RHOD: variants seen among roughly 807,000 people sequenced by gnomAD.
RHOD encodes the protein ras homolog family member D.
Under a neutral mutation model 16.7 loss-of-function variants are expected in RHOD, and 11 were observed. The observed-to-expected ratio is 0.66, with a 90% CI of 0.41 to 1.09. The LOEUF is 1.09. Among genes scored for constraint, RHOD ranks in the 50% least tolerant of loss-of-function variants. The probability of loss-of-function intolerance (pLI) is 0.00; values close to 1 mark genes in which losing one functional copy is unlikely to be tolerated. For missense variants in RHOD, 271 were observed against 291.7 expected (o/e 0.93, Z 0.52); for synonymous variants, 124 against 126.3 (o/e 0.98, Z 0.12).
rs1855017686 is a variant in RHOD, at chr11:67,070,573, C to A, written c.465+14C>A. The A allele has an allele frequency of 1.2e-6, 2 of 1,613,674 alleles. No homozygotes were observed. Among genetic ancestry groups the A allele is most frequent in the Non-Finnish European group, 1.7e-6 (2 of 1,179,950 alleles). ...ACCTACCACAGGGTAGGAAACCCAG[C>A]CCGAGGTGGGAGTTGGGGAGGACTG... On this transcript the variant is annotated intron_variant, in intron 4 of 4. Transcript: ENST00000308831.
At chr11:67,068,472 C>T (rs1405746454) in intron 3 of RHOD, among the ~76,000 whole-genome samples, 1 of 152,000 alleles carries the variant, frequency 6.6e-6, no homozygotes, top group African/African-American at 2.4e-5. Context: ...GGGAGTGATG[C>T]CCAGGGTCGG....
In RHOD at chr11:67,071,816, C is replaced by G. The variant is rs1047042653; in HGVS notation, c.*214C>G. The stretch of plus-strand genomic sequence containing the variant: ...TGTGTAGGGCTCGTCCTGCGGTGCC[C>G]GAGAATCACTCGCTAACCCCTATGC... On this transcript the variant is annotated 3_prime_UTR_variant, in exon 5 of 5. Transcript: ENST00000308831. 1.4e-5 allele frequency: 7 copies of G among 494,020 alleles called. No individual in the cohort carries two copies. The highest frequency in any genetic ancestry group is 1.4e-4 in the South Asian group (4 of 28,234). The allele number at this position is 494,020 out of a possible 1,614,324, so 30.6% of individuals were successfully genotyped here. A position where few individuals can be genotyped will look rare whatever the true frequency, so the allele number is the denominator to read the frequency against.
intron 4 of RHOD, 111 bp downstream of exon 4, chr11:67,070,670 C>T (rs908025818): frequency 1.7e-5 from 23 of 1,333,894 alleles, no homozygotes; most frequent in African/African-American, 1.3e-4. Context: ...GTCAGAGCTG[C>T]GGTCGTCTTA....
intron 1 of RHOD, 50 bp from the exon 2 acceptor site, chr11:67,065,846 G>C (rs377161633): frequency 7.8e-7 from 1 of 1,284,598 alleles, no homozygotes; most frequent in Middle Eastern, 1.8e-4. Context: ...CAAGTCCCCA[G>C]TGCCTCTCCG....
At chr11:67,065,464 T>G (rs1391008688) in intron 1 of RHOD, among the ~76,000 whole-genome samples, 3 of 151,926 alleles carry the variant, frequency 2.0e-5, no homozygotes, top group Non-Finnish European at 4.4e-5. Flanking sequence ...CACTGCAACC[T>G]CAGTCCCAAG....
chr11:67,071,666 G>A lies in RHOD; in HGVS notation c.*64G>A, dbSNP rs1014908114. On this transcript the variant is annotated 3_prime_UTR_variant, in exon 5 of 5. Transcript: ENST00000308831. ...GCGCTGACCTGCTGCTGAGCTGGCT[G>A]GGCTGGACCCGGTCCCTAGGCTGTG... The A allele has an allele frequency of 7.5e-6, 11 of 1,457,692 alleles. No homozygotes were observed. The African/African-American group carries it at 1.6e-4, about 21-fold the overall frequency. 90.3% of individuals were successfully genotyped at this position (1,457,692 alleles called of 1,614,324 possible).
At chr11:67,067,038 G>A (rs1854967542) in intron 3 of RHOD, among the ~76,000 whole-genome samples, 191 bp downstream of exon 3, 1 of 152,202 alleles carries the variant, frequency 6.6e-6, no homozygotes, top group Non-Finnish European at 1.5e-5. Flanking sequence ...GCTGGCACAG[G>A]GATTTGGTGG....
intron 3 of RHOD, 101 bp from the exon 4 acceptor site, chr11:67,070,324 A>G: frequency 7.8e-7 from 1 of 1,274,344 alleles, no homozygotes; most frequent in Non-Finnish European, 1.1e-6. Context: ...GATTATCCAT[A>G]TCAGAGCTCA....
chr11:67,058,178 T>C (rs540314050), intron 1 of RHOD, among the ~76,000 whole-genome samples: 1 of 152,076 alleles, frequency 6.6e-6, no homozygotes, highest in South Asian at 2.1e-4. Flanking sequence ...AAAATTATTT[T>C]ATTTTATTTT....
At chr11:67,059,559 T>A (rs1275131717) in intron 1 of RHOD, among the ~76,000 whole-genome samples, 1 of 147,286 alleles carries the variant, frequency 6.8e-6, no homozygotes, top group African/African-American at 2.5e-5. Context: ...TATATATAAA[T>A]ATATATATAT....
At chr11:67,067,313 T>C (rs895364095) in intron 3 of RHOD, among the ~76,000 whole-genome samples, 1 of 152,162 alleles carries the variant, frequency 6.6e-6, no homozygotes, top group Admixed American at 6.6e-5. Flanking sequence ...CAGCTGCCTT[T>C]AGCCATGGCA....
At chr11:67,068,174 G>A (rs1035644855) in intron 3 of RHOD, among the ~76,000 whole-genome samples, 1 of 152,224 alleles carries the variant, frequency 6.6e-6, no homozygotes, top group Non-Finnish European at 1.5e-5. Context: ...AGCTGGGTTC[G>A]GGAGTGGGAC....
chr11:67,057,264 G>A (rs1270338229), intron 1 of RHOD, among the ~76,000 whole-genome samples: 1 of 152,256 alleles, frequency 6.6e-6, no homozygotes, highest in African/African-American at 2.4e-5. Flanking sequence ...GTGTCACAAG[G>A]ACTGAGTGAG....
At chr11:67,066,064 T>A in intron 2 of RHOD, 81 bp downstream of exon 2, 1 of 1,182,026 alleles carries the variant, frequency 8.5e-7, no homozygotes, top group African/African-American at 1.5e-5. Context: ...TCTGCTTCCT[T>A]CTGAACCAGG....
intron 1 of RHOD, among the ~76,000 whole-genome samples, chr11:67,060,255 T>G (rs1854869604): frequency 6.6e-6 from 1 of 152,218 alleles, no homozygotes; most frequent in Non-Finnish European, 1.5e-5. Context: ...TCCCCCATCT[T>G]GGTAATGATT....
At chr11:67,066,008 G>A in intron 2 of RHOD, 25 bp downstream of exon 2, 2 of 1,370,558 alleles carry the variant, frequency 1.5e-6, no homozygotes, top group Non-Finnish European at 2.1e-6. Context: ...GTGGGGCAGG[G>A]TGGGAGGGGC....
Position 67,070,425 on chromosome 11 carries a change from T to A in RHOD, c.331T>A (p.Trp111Arg). 1 of 1,612,372 alleles carries A rather than the reference T, an allele frequency of 6.2e-7. No individual in the cohort carries two copies. Among genetic ancestry groups the A allele is most frequent in the Non-Finnish European group, 8.5e-7 (1 of 1,178,924 alleles). ...CACATGCCCCCTCGCCCCCCTGCAG[T>A]GGTACCCAGAAGTGAATCATTTCTG... ...PNSFDNIFNRWYPEVNHFCKK... is the reference protein window; with the variant it reads ...PNSFDNIFNRRYPEVNHFCKK... The change falls in exon 4 of 5, where the codon TGG (tryptophan) becomes AGG (arginine). Residue 111 changes from tryptophan (W) to arginine (R), a missense_variant and splice_region_variant. Trp to Arg is a moderately radical substitution (Grantham distance 101). Transcript: ENST00000308831.
At chr11:67,068,534 G>T (rs565856998) in intron 3 of RHOD, among the ~76,000 whole-genome samples, 3 of 152,134 alleles carry the variant, frequency 2.0e-5, no homozygotes, top group African/African-American at 7.2e-5. Context: ...GATGGTGGCC[G>T]GGTGCGGTAG....
intron 1 of RHOD, 142 bp from the exon 2 acceptor site, chr11:67,065,754 C>T (rs901039977): frequency 1.3e-5 from 8 of 602,014 alleles, no homozygotes; most frequent in Non-Finnish European, 2.4e-5. Flanking sequence ...AGGCCGCCAC[C>T]CCAGGCAGGC....
Sources: gnomAD v4.1 joint callset for allele counts (sites outside exome capture counted in the v4.1 genomes callset) on GRCh38, gnomAD v4.1.1 for gene constraint, MANE v1.5 for transcripts, NCBI Gene and HGNC (gene_info 2026-07-23, HGNC 2026-07-21) for gene names.